The following CCDC27 variants were observed in gnomAD, a reference collection of about 807,000 sequenced individuals.
CCDC27 encodes the protein coiled-coil domain containing 27.
In CCDC27, 80 loss-of-function variants were observed where a neutral mutation model predicts 80.3. That is an observed-to-expected ratio of 1.00 (90% confidence interval 0.83 to 1.20). The LOEUF (loss-of-function observed/expected upper bound fraction) is 1.20. Among genes scored for constraint, CCDC27 ranks in the 50% most tolerant of loss-of-function variants. The probability of loss-of-function intolerance (pLI) is 0.00; values close to 1 mark genes in which losing one functional copy is unlikely to be tolerated. For missense variants in CCDC27, 815 were observed against 809.4 expected (o/e 1.01, Z -0.08); for synonymous variants, 342 against 334.3 (o/e 1.02, Z -0.25).
At position 3,763,156 on chromosome 1, in the gene CCDC27, G is replaced by T; in HGVS notation, c.1003G>T (p.Gly335Ter). Reference protein sequence around the residue: ...APERGKEPDLGGGEEDEGLEG... With the variant: ...APERGKEPDL ...GGAGAGGGGCAAGGAGCCCGACCTG[G>T]GAGGTGGCGAGGAGGACGAGGGCCT... is the stretch of plus-strand genomic sequence containing the variant. Residue 335 changes from glycine to a stop codon, truncating the protein, a stop_gained, in exon 7 of 12, where the codon GGA becomes TGA. Transcript: ENST00000294600. LOFTEE classifies it high-confidence loss of function. The surrounding 1 kb of genome is among the most constrained non-coding windows in gnomAD (Gnocchi z 7.5). 2 of 1,492,772 alleles carry T rather than the reference G, an allele frequency of 1.3e-6. No individual in the cohort carries two copies. The highest frequency in any genetic ancestry group is 1.8e-6 in the Non-Finnish European group (2 of 1,120,534). The allele number at this position is 1,492,772 out of a possible 1,614,324, so 92.5% of individuals were successfully genotyped here. A position where few individuals can be genotyped will look rare whatever the true frequency, so the allele number is the denominator to read the frequency against.
chr1:3,756,476 G>A (rs557504308), intron 3 of CCDC27: 123 of 357,496 alleles, frequency 3.4e-4, no homozygotes, highest in African/African-American at 2.4e-3. Context: ...TGGGTGTCTC[G>A]GCCAGAGCTT....
rs760149058 is a variant in CCDC27 at position 3,771,421 on chromosome 1, C to A, written c.1869C>A (p.Ser623Arg). The A allele has an allele frequency of 2.5e-6, 4 of 1,614,024 alleles. No individual in the cohort carries two copies. The highest frequency in any genetic ancestry group is 2.2e-5 in the South Asian group (2 of 91,080). ...EALQRIISER[S>R]DYYNQLKQKG... ...TGTAGAGAATTATCTCAGAGAGAAGCGACTACTATAATCAGCTGAAGCAGA... is the reference window on the plus strand; with the variant it reads ...TGTAGAGAATTATCTCAGAGAGAAGAGACTACTATAATCAGCTGAAGCAGA... Residue 623 changes from serine (S) to arginine (R), a missense_variant, in exon 12 of 12, where the codon AGC becomes AGA. Physicochemically the swap from Ser to Arg is moderately radical, Grantham distance 110. Coordinates refer to ENST00000294600, the MANE Select transcript of CCDC27 (RefSeq NM_152492.3).
In CCDC27 at chr1:3,763,347, A is replaced by T. The variant is rs1379615148; in HGVS notation, c.1194A>T (p.Arg398Ser). Residue 398 changes from arginine to serine, a missense_variant, in exon 7 of 12, where the codon AGA becomes AGT. By Grantham distance (110) the Arg-to-Ser change is moderately radical. Transcript: ENST00000294600. This position sits in a 1 kb window ranked among gnomAD's most constrained non-coding sequence, Gnocchi z 7.5. ...CGGAGGAAGAGGAGATCCCCAGGAGAAGGGCCTCCTCCCTGGCCGAGTCGT... is the reference window on the plus strand; with the variant it reads ...CGGAGGAAGAGGAGATCCCCAGGAGTAGGGCCTCCTCCCTGGCCGAGTCGT... Reference protein sequence around the residue: ...ELPEEEEIPRRRASSLAESFE... With the variant: ...ELPEEEEIPRSRASSLAESFE... The T allele has an allele frequency of 7.4e-6, 12 of 1,612,906 alleles. No individual in the cohort carries two copies. The African/African-American group carries it at 1.5e-4, about 20-fold the overall frequency.
Position 3,763,452 on chromosome 1 carries a change from G to T in CCDC27, c.1299G>T (p.Arg433Ser). The T allele has an allele frequency of 6.2e-7, 1 of 1,607,510 alleles. No homozygotes were observed. Among genetic ancestry groups the T allele is most frequent in the South Asian group, 1.1e-5 (1 of 90,278 alleles). ...TCCAGTTCAACCTGGAGGCCACCAG[G>T]ACCAGATACTCCCTTGCAACAGGTA... is the stretch of plus-strand genomic sequence containing the variant. ...LDFQFNLEAT[R>S]TRYSLATGVI... Residue 433 changes from arginine (R) to serine (S), a missense_variant, in exon 7 of 12, where the codon AGG becomes AGT. Physicochemically the swap from Arg to Ser is moderately radical, Grantham distance 110. Transcript: ENST00000294600. The surrounding 1 kb of genome is among the most constrained non-coding windows in gnomAD (Gnocchi z 7.5).
intron 8 of CCDC27, among the ~76,000 whole-genome samples, chr1:3,765,827 G>T (rs1002241044): frequency 2.0e-5 from 3 of 151,540 alleles, no homozygotes; most frequent in Admixed American, 2.0e-4. Flanking sequence ...AGTGTGCTTT[G>T]CTTTGGCATT....
chr1:3,757,485 G>T (rs1642985839), intron 4 of CCDC27, among the ~76,000 whole-genome samples: 1 of 151,632 alleles, frequency 6.6e-6, no homozygotes, highest in African/African-American at 2.4e-5. Context: ...CTGTCACCCA[G>T]GCTGGAGTGT....
rs34635257 is a variant in CCDC27 at position 3,766,837 on chromosome 1, C to CTTTTTT, written c.1530+242_1530+247dup. Among the ~76,000 whole-genome samples the CTTTTTT allele has an allele frequency of 9.5e-6, 1 of 105,464 alleles. No individual in the cohort carries two copies. The highest frequency in any genetic ancestry group is 1.8e-5 in the Non-Finnish European group (1 of 55,866). 69.2% of individuals were successfully genotyped at this position (105,464 alleles called of 152,430 possible). On this transcript the variant is annotated intron_variant, in intron 9 of 11. Transcript: ENST00000294600. This position sits in a 1 kb window ranked among gnomAD's most constrained non-coding sequence, Gnocchi z 6.1. ...AGGGACCCAGCAAGCGTTCCCAGTC[C>CTTTTTT]TTTTTTTTTTTTTTTTTTTTTTGAG... is the stretch of plus-strand genomic sequence containing the variant.
intron 11 of CCDC27, among the ~76,000 whole-genome samples, chr1:3,770,180 G>A (rs1643327263): frequency 6.6e-6 from 1 of 152,280 alleles, no homozygotes; most frequent in Non-Finnish European, 1.5e-5. Context: ...CTGTGGAGAG[G>A]GGACAAGCCG....
In CCDC27 at chr1:3,764,758, G is replaced by A. The variant is rs933295589; in HGVS notation, c.1452+922G>A. The stretch of plus-strand genomic sequence containing the variant: ...TTTATCAAAAAGGATAAATGAGGCT[G>A]AGCACGATGGCTCACACCTGTAATC... On this transcript the variant is annotated intron_variant, in intron 8 of 11. Coordinates refer to ENST00000294600, the MANE Select transcript of CCDC27 (RefSeq NM_152492.3). Among the ~76,000 whole-genome samples, 8 of 152,254 alleles carry A rather than the reference G, an allele frequency of 5.3e-5. No homozygotes were observed. In the South Asian group the frequency reaches 1.7e-3, roughly 32 times the overall value.
Position 3,763,322 on chromosome 1 carries a change from C to T in CCDC27, c.1169C>T (p.Pro390Leu), listed in dbSNP as rs11806371. Residue 390 changes from proline (P) to leucine (L), a missense_variant, in exon 7 of 12, where the codon CCG (proline) becomes CTG (leucine). Coordinates refer to ENST00000294600, the MANE Select transcript of CCDC27 (RefSeq NM_152492.3). This position sits in a 1 kb window ranked among gnomAD's most constrained non-coding sequence, Gnocchi z 7.5. ...GAGGACTCAGAGGAAAGGGAGCTGC[C>T]GGAGGAAGAGGAGATCCCCAGGAGA... is the stretch of plus-strand genomic sequence containing the variant. ...RDEDSEEREL[P>L]EEEEIPRRRA... 22,576 of 1,611,644 alleles carry T rather than the reference C, an allele frequency of 0.014. 2,146 individuals are homozygous for T. The African/African-American group carries it at 0.23, about 17-fold the overall frequency.
chr1:3,758,141 G>T (rs1472162116), intron 4 of CCDC27, among the ~76,000 whole-genome samples: 2 of 152,108 alleles, frequency 1.3e-5, no homozygotes, highest in Admixed American at 6.5e-5. Flanking sequence ...GCCATTGAAG[G>T]CTTCTGTGTC....
chr1:3,757,914 T>C (rs1570704553), intron 4 of CCDC27, among the ~76,000 whole-genome samples: 2 of 130,876 alleles, frequency 1.5e-5, no homozygotes, highest in African/African-American at 3.0e-5. Flanking sequence ...AGAGTGAGAC[T>C]CCATCTCAAA....
At position 3,761,913 on chromosome 1, in the gene CCDC27, C is replaced by A. The variant is rs865803086; in HGVS notation, c.861+483C>A. The stretch of plus-strand genomic sequence containing the variant: ...GGTAGCTTGTATTACCCTGCCCTGG[C>A]CAGGAATCCCTTCTCCCCACTCTCT... On this transcript the variant is annotated intron_variant, in intron 5 of 11. Transcript: ENST00000294600. This position sits in a 1 kb window ranked among gnomAD's most constrained non-coding sequence, Gnocchi z 5.0. 6.6e-6 allele frequency among the ~76,000 whole-genome samples: 1 copy of A among 151,894 alleles called. No homozygotes were observed. The highest frequency in any genetic ancestry group is 2.4e-5 in the African/African-American group (1 of 41,308).
chr1:3,766,422 C>G lies in CCDC27; in HGVS notation c.1453-113C>G. ...TCTTCTCCCTGCCTTCAATAGAAAT[C>G]CCGCTGCTATTATTTTAGGGAGCTT... On this transcript the variant is annotated intron_variant, in intron 8 of 11. Transcript: ENST00000294600. This position sits in a 1 kb window ranked among gnomAD's most constrained non-coding sequence, Gnocchi z 6.1. The G allele has an allele frequency of 1.5e-6, 1 of 660,974 alleles. No homozygotes were observed. The highest frequency in any genetic ancestry group is 2.6e-6 in the Non-Finnish European group (1 of 378,766). The allele number at this position is 660,974 out of a possible 1,614,324, so 40.9% of individuals were successfully genotyped here.
Position 3,767,317 on chromosome 1 carries a change from C to T in CCDC27, c.1615C>T (p.Gln539Ter). 1 of 1,614,052 alleles carries T rather than the reference C, an allele frequency of 6.2e-7. No individual in the cohort carries two copies. Among genetic ancestry groups the T allele is most frequent in the African/African-American group, 1.3e-5 (1 of 75,068 alleles). ...CACCAAGGTCAGCCAGCTGCAGGAG[C>T]AGGTGGAACTGGACCAGAACCACCT... ...LDTKVSQLQEQVELDQNHLQR... is the reference protein window; with the variant it reads ...LDTKVSQLQE The change falls in exon 10 of 12, where the codon CAG becomes TAG. Residue 539 changes from glutamine to a stop codon, truncating the protein, a stop_gained. Transcript: ENST00000294600. LOFTEE classifies it high-confidence loss of function.
rs149439180 is a variant in CCDC27, at chr1:3,755,560, C to T, written c.546C>T (p.Asn182=). 8.2e-5 allele frequency: 132 copies of T among 1,613,592 alleles called. No homozygotes were observed. Among genetic ancestry groups the T allele is most frequent in the African/African-American group, 6.0e-4 (45 of 75,046 alleles). Residue 182 remains asparagine, a synonymous_variant, in exon 3 of 12, where the codon AAC becomes AAT. Transcript: ENST00000294600. ...LFLARRGSDT[N]VDGYLLPFSK... ...TGGCCAGGCGGGGCTCAGACACGAA[C>T]GTGGACGGTGAGGGAGCCCCTAGGG... is the stretch of plus-strand genomic sequence containing the variant.
rs1360937759 is a variant in CCDC27, at chr1:3,754,158, C to A, written c.359C>A (p.Ser120Tyr). Reference sequence around the variant, plus strand: ...GCCGCCAGCCTCACCGGCTTCATGTCCAAAATGGAACTTCGAAGGGTCTTC... The same window carrying A: ...GCCGCCAGCCTCACCGGCTTCATGTACAAAATGGAACTTCGAAGGGTCTTC... ...KDAASLTGFM[S>Y]KMELRRVFPT... Residue 120 changes from serine (S) to tyrosine (Y), a missense_variant, in exon 2 of 12, where the codon TCC becomes TAC. Transcript: ENST00000294600. 1.2e-6 allele frequency: 2 copies of A among 1,613,766 alleles called. No homozygotes were observed. The highest frequency in any genetic ancestry group is 1.7e-6 in the Non-Finnish European group (2 of 1,179,894).
Position 3,766,501 on chromosome 1 carries a change from A to C in CCDC27, c.1453-34A>C, listed in dbSNP as rs1485032788. The C allele has an allele frequency of 6.7e-7, 1 of 1,503,668 alleles. No individual in the cohort carries two copies. Among genetic ancestry groups the C allele is most frequent in the Admixed American group, 1.8e-5 (1 of 55,418 alleles). 93.1% of individuals were successfully genotyped at this position (1,503,668 alleles called of 1,614,324 possible). On this transcript the variant is annotated intron_variant, in intron 8 of 11. Transcript: ENST00000294600. The surrounding 1 kb of genome is among the most constrained non-coding windows in gnomAD (Gnocchi z 6.1). ...ATTCAGTCTGTTATCTAAACCTGGGAGTCCCCCAAGCCAACCCTTCTGTCT... is the reference window on the plus strand; with the variant it reads ...ATTCAGTCTGTTATCTAAACCTGGGCGTCCCCCAAGCCAACCCTTCTGTCT...
chr1:3,770,514 G>C (rs1034804097), intron 11 of CCDC27, among the ~76,000 whole-genome samples: 1 of 152,236 alleles, frequency 6.6e-6, no homozygotes, highest in African/African-American at 2.4e-5. Context: ...GCAAGGTGTC[G>C]TAAGACTCAG....
Sources: gnomAD v4.1 joint callset for allele counts (sites outside exome capture counted in the v4.1 genomes callset) on GRCh38, gnomAD v4.1.1 for gene constraint, Gnocchi (gnomAD v3.1) non-coding constraint, MANE v1.5 for transcripts, NCBI Gene and HGNC (gene_info 2026-07-23, HGNC 2026-07-21) for gene names.